Variants in TENM2 observed in about 807,000 individuals in gnomAD.
TENM2 encodes teneurin-2.
Under a neutral mutation model 245.2 loss-of-function variants are expected in TENM2, and 52 were observed. The ratio of observed to expected loss-of-function variants is 0.21; its 90% CI spans 0.17 to 0.27. The LOEUF is 0.27. TENM2 is among the 10% of genes least tolerant of loss of function. The probability of loss-of-function intolerance (pLI) is 1.00; values close to 1 mark genes in which losing one functional copy is unlikely to be tolerated. For synonymous variants in TENM2, 1,363 were observed against 1,438.9 expected (o/e 0.95, Z 1.19); for missense variants, 3,046 against 3,666.8 (o/e 0.83, Z 4.37).
At chr5:167,635,633 C>CTCTTTTTT (rs1779148632) in intron 2 of TENM2, among the ~76,000 whole-genome samples, 1 of 74,962 alleles carries the variant, frequency 1.3e-5, no homozygotes, top group African/African-American at 5.9e-5. Flanking sequence ...TCAGTACAGT[C>CTCTTTTTT]TTTTTTTTTT....
At chr5:168,071,982 C>T (rs184590513) in intron 7 of TENM2, among the ~76,000 whole-genome samples, 6 of 152,126 alleles carry the variant, frequency 3.9e-5, no homozygotes, top group Non-Finnish European at 7.3e-5. Context: ...AGAGAAGCTG[C>T]GCAGTGCCTG....
intron 3 of TENM2, among the ~76,000 whole-genome samples, chr5:167,886,151 A>G (rs1774270932): frequency 6.6e-6 from 1 of 152,166 alleles, no homozygotes; most frequent in Non-Finnish European, 1.5e-5. Context: ...TGGGATTATT[A>G]TCCCTGTTGT....
At chr5:167,228,072 A>T in the TENM2 span, among the ~76,000 whole-genome samples, 1 of 150,938 alleles carries the variant, frequency 6.6e-6, no homozygotes, top group African/African-American at 2.4e-5. Flanking sequence ...TCTGTCACCC[A>T]GGCTAAAGTA....
At chr5:167,440,327 T>A (rs2127458627) in intron 2 of TENM2, among the ~76,000 whole-genome samples, 1 of 152,298 alleles carries the variant, frequency 6.6e-6, no homozygotes, top group African/African-American at 2.4e-5. Context: ...ACTAGGACAA[T>A]GATCCTAATG....
At chr5:167,970,850 G>A (rs1339366620) in intron 4 of TENM2, among the ~76,000 whole-genome samples, 1 of 152,022 alleles carries the variant, frequency 6.6e-6, no homozygotes, top group Admixed American at 6.6e-5. Context: ...GCAGCAGGGG[G>A]TAAGGGTGGC....
the TENM2 span, among the ~76,000 whole-genome samples, chr5:167,143,518 A>AT: frequency 6.6e-6 from 1 of 152,052 alleles, no homozygotes; most frequent in Non-Finnish European, 1.5e-5. Flanking sequence ...TATAAGAAAG[A>AT]TTTTTTCCCA....
chr5:167,694,349 C>T (rs1208342895), intron 2 of TENM2, among the ~76,000 whole-genome samples: 1 of 152,178 alleles, frequency 6.6e-6, no homozygotes, highest in African/African-American at 2.4e-5. Flanking sequence ...CTGTTAAGAG[C>T]TTCCCAGGTG....
chr5:167,815,613 T>C (rs1300797071), intron 2 of TENM2, among the ~76,000 whole-genome samples: 1 of 152,166 alleles, frequency 6.6e-6, no homozygotes, highest in Non-Finnish European at 1.5e-5. Context: ...TTTGGTTCTA[T>C]CCACAACAGA....
At chr5:167,086,192 G>T in the TENM2 span, among the ~76,000 whole-genome samples, 46 of 152,276 alleles carry the variant, frequency 3.0e-4, no homozygotes, top group East Asian at 7.1e-3. Context: ...TCAGAATTCT[G>T]CACATGCCAA....
intron 2 of TENM2, among the ~76,000 whole-genome samples, chr5:167,436,514 A>G (rs1289450018): frequency 2.0e-5 from 3 of 152,190 alleles, no homozygotes; most frequent in Non-Finnish European, 2.9e-5. Context: ...AGAAAATCTC[A>G]TTTTCTGAGA....
At chr5:167,707,858 C>G (rs903494487) in intron 2 of TENM2, among the ~76,000 whole-genome samples, 2 of 152,172 alleles carry the variant, frequency 1.3e-5, no homozygotes, top group Non-Finnish European at 2.9e-5. Flanking sequence ...CTTTAAGTAA[C>G]TCTACTTAGT....
chr5:168,075,059 A>G (rs56114918), intron 7 of TENM2, among the ~76,000 whole-genome samples: 13,766 of 151,980 alleles, frequency 0.091, 723 homozygotes, highest in East Asian at 0.19. Context: ...ACTGTACCCA[A>G]TGTGTAGTTT....
chr5:167,007,700 C>A, the TENM2 span, among the ~76,000 whole-genome samples: 167 of 152,242 alleles, frequency 1.1e-3, 4 homozygotes, highest in East Asian at 0.031. This position sits in a 1 kb window ranked among gnomAD's most constrained non-coding sequence, Gnocchi z 4.2. Flanking sequence ...ACTACCACCT[C>A]CACTTGTATA....
At chr5:167,749,422 G>T (rs1189233280) in intron 2 of TENM2, among the ~76,000 whole-genome samples, 3 of 152,134 alleles carry the variant, frequency 2.0e-5, no homozygotes, top group African/African-American at 4.8e-5. Context: ...GGCAGATCAT[G>T]AGGTCAGGAG....
intron 2 of TENM2, among the ~76,000 whole-genome samples, chr5:167,427,597 G>GAAA (rs1346929032): frequency 3.3e-4 from 39 of 116,542 alleles, no homozygotes; most frequent in African/African-American, 1.7e-3. Flanking sequence ...AGGGAAGGAA[G>GAAA]GGACGGGAGG....
chr5:167,904,834 G>A (rs1488164204), intron 3 of TENM2, among the ~76,000 whole-genome samples: 1 of 152,108 alleles, frequency 6.6e-6, no homozygotes. Flanking sequence ...CACTGAAAAT[G>A]CCTCATCTCA....
At chr5:167,324,895 G>A (rs889309287) in intron 1 of TENM2, among the ~76,000 whole-genome samples, 1 of 152,148 alleles carries the variant, frequency 6.6e-6, no homozygotes, top group East Asian at 1.9e-4. Flanking sequence ...CTATAAAAGT[G>A]TTCAGAGGGA....
chr5:168,221,736 G>A (rs61392317), intron 23 of TENM2, among the ~76,000 whole-genome samples: 3,769 of 152,242 alleles, frequency 0.025, 194 homozygotes, highest in East Asian at 0.25. Context: ...GATAGAAGAA[G>A]TATCCTGATT....
At chr5:167,771,778 T>C (rs974717514) in intron 2 of TENM2, among the ~76,000 whole-genome samples, 4 of 152,180 alleles carry the variant, frequency 2.6e-5, no homozygotes, top group African/African-American at 7.2e-5. Context: ...GAATTAATTA[T>C]TGCTTGCCAA....
Sources: gnomAD v4.1 joint callset for allele counts (sites outside exome capture counted in the v4.1 genomes callset) on GRCh38, gnomAD v4.1.1 for gene constraint, Gnocchi (gnomAD v3.1) non-coding constraint, MANE v1.5 for transcripts, NCBI Gene and HGNC (gene_info 2026-07-23, HGNC 2026-07-21) for gene names.